VWA3B: variants seen among roughly 807,000 people sequenced by gnomAD.
VWA3B encodes von Willebrand factor A domain-containing protein 3B.
In VWA3B, 138 loss-of-function variants were observed where a neutral mutation model predicts 158.3. The ratio of observed to expected loss-of-function variants is 0.87; its 90% CI spans 0.76 to 1.00. VWA3B has a LOEUF of 1.00. VWA3B is among the 50% of genes least tolerant of loss of function. The probability of loss-of-function intolerance (pLI) is 0.00; values close to 1 mark genes in which losing one functional copy is unlikely to be tolerated. For synonymous variants in VWA3B, 596 were observed against 587.3 expected, an observed-to-expected ratio of 1.01 and a Z score of -0.21; for missense variants, 1,555 against 1,565.1, an observed-to-expected ratio of 0.99 and a Z score of 0.11.
At chr2:98,088,437 C>A (rs1682021427) in intron 1 of VWA3B, among the ~76,000 whole-genome samples, 1 of 152,146 alleles carries the variant, frequency 6.6e-6, no homozygotes, top group South Asian at 2.1e-4. Context: ...GTAGACGGGG[C>A]CCTTGTACAG....
chr2:98,230,262 G>T, intron 16 of VWA3B, 55 bp downstream of exon 16: 1 of 1,445,726 alleles, frequency 6.9e-7, no homozygotes, highest in Non-Finnish European at 9.1e-7. Context: ...AAGGCAAGAA[G>T]ATAGAATAAA....
At chr2:98,328,141 T>C in the VWA3B span, among the ~76,000 whole-genome samples, 2 of 152,210 alleles carry the variant, frequency 1.3e-5, no homozygotes, top group African/African-American at 4.8e-5. Context: ...AATAAAGTTT[T>C]GTGTGTGTTA....
intron 2 of VWA3B, among the ~76,000 whole-genome samples, chr2:98,104,216 G>A (rs796672583): frequency 1.3e-5 from 2 of 152,258 alleles, no homozygotes; most frequent in African/African-American, 2.4e-5. Flanking sequence ...TTATCCATTT[G>A]TGTTGCTGTA....
chr2:98,139,810 AAGC>A (rs1338832013), intron 7 of VWA3B, among the ~76,000 whole-genome samples: 1 of 152,110 alleles, frequency 6.6e-6, no homozygotes, highest in Non-Finnish European at 1.5e-5. Context: ...AAGAGAATAA[AAGC>A]AGGCTGCCCG....
chr2:98,254,694 C>G (rs577457039), intron 20 of VWA3B, among the ~76,000 whole-genome samples: 1 of 152,198 alleles, frequency 6.6e-6, no homozygotes, highest in Non-Finnish European at 1.5e-5. Context: ...AGGAGTGGAG[C>G]GGTACTACTA....
chr2:98,236,675 G>T lies in VWA3B; in HGVS notation c.2618G>T (p.Ser873Ile), dbSNP rs1400304889. Reference protein sequence around the residue: ...DALSVAAVPHSSTYVPVLDKH... With the variant: ...DALSVAAVPHISTYVPVLDKH... The stretch of plus-strand genomic sequence containing the variant: ...TTGTCAGTGGCAGCAGTCCCGCACA[G>T]CTCCACCTATGTTCCCGTCCTGGAC... The change falls in exon 19 of 28, where the codon AGC becomes ATC. Residue 873 changes from serine (S) to isoleucine (I), a missense_variant. Transcript: ENST00000477737. 1 of 1,614,110 alleles carries T rather than the reference G, an allele frequency of 6.2e-7. No individual in the cohort carries two copies. The highest frequency in any genetic ancestry group is 8.5e-7 in the Non-Finnish European group (1 of 1,180,056).
At chr2:98,214,936 C>G (rs1683848466) in intron 13 of VWA3B, among the ~76,000 whole-genome samples, 1 of 152,060 alleles carries the variant, frequency 6.6e-6, no homozygotes, top group African/African-American at 2.4e-5. Context: ...AATAGCAGCC[C>G]CCAAAGAGGA....
Position 98,100,829 on chromosome 2 carries a change from A to G in VWA3B, c.196+7541A>G, listed in dbSNP as rs117864278. ...GGGGTGATGCAGGTAAGGTAAAACT[A>G]TCCTTTATACCCTCATATTATGCTG... On this transcript the variant is annotated intron_variant, in intron 2 of 27. Transcript: ENST00000477737. Among the ~76,000 whole-genome samples the G allele has an allele frequency of 6.8e-4, 103 of 152,214 alleles. 4 individuals are homozygous for G. In the East Asian group the frequency reaches 0.015, roughly 22 times the overall value.
At position 98,312,015 on chromosome 2, in the gene VWA3B, A is replaced by C; in HGVS notation, c.3718A>C (p.Thr1240Pro). 1 of 1,599,084 alleles carries C rather than the reference A, an allele frequency of 6.3e-7. No homozygotes were observed. The highest frequency in any genetic ancestry group is 8.5e-7 in the Non-Finnish European group (1 of 1,172,668). ...GISSHGSCQGTHPEPRTAHLH... is the reference protein window; with the variant it reads ...GISSHGSCQGPHPEPRTAHLH... ...CAGCTCCCATGGGTCCTGCCAGGGGACACACCCCGAGCCCAGGGTTTGGGT... is the reference window on the plus strand; with the variant it reads ...CAGCTCCCATGGGTCCTGCCAGGGGCCACACCCCGAGCCCAGGGTTTGGGT... The change falls in exon 27 of 28, where the codon ACA (threonine) becomes CCA (proline). Residue 1240 changes from threonine to proline, a missense_variant. Coordinates refer to ENST00000477737, the MANE Select transcript of VWA3B (RefSeq NM_144992.5).
chr2:98,270,046 G>C (rs1688101799), intron 21 of VWA3B, among the ~76,000 whole-genome samples: 1 of 151,710 alleles, frequency 6.6e-6, no homozygotes, highest in Admixed American at 6.5e-5. Flanking sequence ...GCTCAGACTG[G>C]AAACAGAATC....
intron 26 of VWA3B, among the ~76,000 whole-genome samples, chr2:98,307,472 G>GA (rs1339633863): frequency 6.6e-6 from 1 of 152,240 alleles, no homozygotes; most frequent in Non-Finnish European, 1.5e-5. Flanking sequence ...TTCAAATAAG[G>GA]AAGAGGAACA....
intron 5 of VWA3B, among the ~76,000 whole-genome samples, chr2:98,127,927 A>G (rs889373839): frequency 2.0e-5 from 3 of 152,084 alleles, no homozygotes; most frequent in African/African-American, 7.2e-5. Flanking sequence ...TCATTGCTTG[A>G]CTTGAAAATA....
intron 23 of VWA3B, 34 bp from the exon 24 acceptor site, chr2:98,297,873 C>T (rs1392471265): frequency 6.8e-7 from 1 of 1,467,388 alleles, no homozygotes; most frequent in Non-Finnish European, 9.1e-7. Context: ...TGTTATTTGT[C>T]TTTATATTTT....
chr2:98,326,984 T>C, the VWA3B span, among the ~76,000 whole-genome samples: 2 of 151,086 alleles, frequency 1.3e-5, no homozygotes, highest in African/African-American at 2.4e-5. Flanking sequence ...TTCTGTTGTT[T>C]TGAGTCACTT....
At chr2:98,093,343 G>A in intron 2 of VWA3B, 55 bp downstream of exon 2, 5 of 1,581,760 alleles carry the variant, frequency 3.2e-6, no homozygotes, top group Non-Finnish European at 4.3e-6. Context: ...AGGTGGAGGT[G>A]GCTGCATCAG....
At chr2:98,218,890 T>C (rs970158897) in intron 14 of VWA3B, among the ~76,000 whole-genome samples, 6 of 152,126 alleles carry the variant, frequency 3.9e-5, no homozygotes, top group Admixed American at 3.3e-4. Context: ...CTAGTGAGGA[T>C]TGGAAACTTC....
At chr2:98,251,645 G>A (rs1268409729) in intron 20 of VWA3B, among the ~76,000 whole-genome samples, 6 of 152,194 alleles carry the variant, frequency 3.9e-5, no homozygotes, top group Non-Finnish European at 1.5e-5. Flanking sequence ...ATAAAGTTCA[G>A]GAAAGTTAAC....
At chr2:98,324,698 T>C in the VWA3B span, among the ~76,000 whole-genome samples, 2 of 152,200 alleles carry the variant, frequency 1.3e-5, no homozygotes, top group Non-Finnish European at 2.9e-5. Context: ...TTATTCACCA[T>C]GTAACCATGA....
chr2:98,263,677 A>T lies in VWA3B; in HGVS notation c.2844-7005A>T, dbSNP rs138404956. 1.1e-4 allele frequency among the ~76,000 whole-genome samples: 17 copies of T among 152,146 alleles called. No homozygotes were observed. The East Asian group carries it at 3.3e-3, about 29-fold the overall frequency. Reference sequence around the variant, plus strand: ...GAGGATTTTTGCATCACTGTTCACCAGGGACATTGGTCTGTAGTTTCTTTT... The same window carrying T: ...GAGGATTTTTGCATCACTGTTCACCTGGGACATTGGTCTGTAGTTTCTTTT... On this transcript the variant is annotated intron_variant, in intron 21 of 27. Coordinates refer to ENST00000477737, the MANE Select transcript of VWA3B (RefSeq NM_144992.5).
Sources: allele counts gnomAD v4.1 joint callset (sites outside exome capture counted in the v4.1 genomes callset), GRCh38; gene constraint gnomAD v4.1.1; transcripts MANE v1.5; gene names NCBI Gene and HGNC (gene_info 2026-07-23, HGNC 2026-07-21).